ABR: variants seen among roughly 807,000 people sequenced by gnomAD.
ABR encodes the protein ABR activator of RhoGEF and GTPase.
In ABR, 35 loss-of-function variants were observed where a neutral mutation model predicts 107.2. The observed-to-expected ratio is 0.33, with a 90% CI of 0.25 to 0.43. ABR has a LOEUF of 0.43. ABR is among the 20% of genes least tolerant of loss of function. The probability of loss-of-function intolerance (pLI) is 1.00; values close to 1 mark genes in which losing one functional copy is unlikely to be tolerated. For missense variants in ABR, 815 were observed against 1,115.2 expected, an observed-to-expected ratio of 0.73 and a Z score of 3.83; for synonymous variants, 498 against 462.0, an observed-to-expected ratio of 1.08 and a Z score of -1.00.
At chr17:1,058,489 TG>T (rs1434148288) in intron 11 of ABR, among the ~76,000 whole-genome samples, 1 of 148,508 alleles carries the variant, frequency 6.7e-6, no homozygotes, top group Non-Finnish European at 1.5e-5. Context: ...AGGAGGCAGC[TG>T]GGGGTGGGTG....
chr17:1,178,560 G>T (rs1057222330), intron 1 of ABR, among the ~76,000 whole-genome samples: 3 of 64,220 alleles, frequency 4.7e-5, no homozygotes, highest in Non-Finnish European at 1.1e-4. Context: ...CCGAGACTCC[G>T]TCTCAAAAAA....
intron 16 of ABR, among the ~76,000 whole-genome samples, chr17:1,023,500 G>A (rs2663343): frequency 0.44 from 67,038 of 152,100 alleles, 16,488 homozygotes; most frequent in African/African-American, 0.65. Flanking sequence ...ATGCCAGAGT[G>A]GCAAGGGCAG....
intron 6 of ABR, 66 bp from the exon 7 acceptor site, chr17:1,073,743 A>T (rs2035447688): frequency 7.0e-6 from 10 of 1,428,212 alleles, no homozygotes; most frequent in Admixed American, 4.3e-5. Context: ...CACCCCAGAG[A>T]CCAGCTTCGT....
intron 16 of ABR, among the ~76,000 whole-genome samples, chr17:1,048,308 G>C (rs1443929579): frequency 1.3e-5 from 2 of 152,250 alleles, no homozygotes; most frequent in Non-Finnish European, 2.9e-5. Context: ...GCAGAGGCCA[G>C]GCCCCTCCAC....
At position 1,070,879 on chromosome 17, in the gene ABR, G is replaced by A. The variant is rs900315044; in HGVS notation, c.895-789C>T. Reference sequence around the variant, plus strand: ...TTCAAAGTATACAATTAAGATGACCGAGGCCGGGCGCAGTGGTTCACACCT... The same window carrying A: ...TTCAAAGTATACAATTAAGATGACCAAGGCCGGGCGCAGTGGTTCACACCT... On this transcript the variant is annotated intron_variant, in intron 8 of 22. Transcript: ENST00000302538. This position sits in a 1 kb window ranked among gnomAD's most constrained non-coding sequence, Gnocchi z 4.2. Among the ~76,000 whole-genome samples the A allele has an allele frequency of 1.3e-5, 2 of 152,150 alleles. No individual in the cohort carries two copies. The highest frequency in any genetic ancestry group is 6.5e-5 in the Admixed American group (1 of 15,274).
intron 1 of ABR, among the ~76,000 whole-genome samples, chr17:1,164,972 T>C (rs1446460633): frequency 1.3e-5 from 2 of 152,210 alleles, no homozygotes; most frequent in Non-Finnish European, 2.9e-5. Context: ...TTATTCATTG[T>C]TCATCTAAAA....
chr17:1,063,543 A>G, intron 10 of ABR, among the ~76,000 whole-genome samples: 1 of 135,918 alleles, frequency 7.4e-6, no homozygotes, highest in African/African-American at 2.8e-5. Flanking sequence ...AGGGCTATGC[A>G]TGTTCCTCTA....
chr17:1,212,899 A>AG (rs2042931167), intron 1 of ABR, among the ~76,000 whole-genome samples: 1 of 151,010 alleles, frequency 6.6e-6, no homozygotes, highest in Non-Finnish European at 1.5e-5. Context: ...AAAAAAAAAA[A>AG]GAGAGAGAGA....
rs1326959526 is a variant in ABR at position 1,004,073 on chromosome 17, C to G, written c.*2007G>C. On this transcript the variant is annotated 3_prime_UTR_variant, in exon 23 of 23. Transcript: ENST00000302538. Reference sequence around the variant, plus strand: ...GCTGTGGGGCTCCCTGAGGCTGAGACGCGAAGGTGCCCAGTCTGGGCCGTG... The same window carrying G: ...GCTGTGGGGCTCCCTGAGGCTGAGAGGCGAAGGTGCCCAGTCTGGGCCGTG... The G allele has an allele frequency of 6.6e-6, 1 of 152,258 alleles. No homozygotes were observed. The highest frequency in any genetic ancestry group is 1.5e-5 in the Non-Finnish European group (1 of 68,080). 9.4% of individuals were successfully genotyped at this position (152,258 alleles called of 1,614,324 possible).
chr17:1,196,158 G>A (rs1444640682), intron 1 of ABR, among the ~76,000 whole-genome samples: 3 of 147,398 alleles, frequency 2.0e-5, no homozygotes, highest in South Asian at 2.1e-4. Flanking sequence ...GGCAAGGTGC[G>A]GTGGCTCACG....
intron 18 of ABR, 160 bp downstream of exon 18, chr17:1,012,528 C>G (rs969746627): frequency 7.1e-6 from 5 of 704,384 alleles, no homozygotes; most frequent in Non-Finnish European, 1.3e-5. Flanking sequence ...GTGAGCGCCT[C>G]TGCGGCCACT....
At chr17:1,056,179 C>T (rs1334958750) in intron 13 of ABR, 70 bp from the exon 14 acceptor site, 17 of 1,357,984 alleles carry the variant, frequency 1.3e-5, no homozygotes, top group African/African-American at 7.2e-5. Context: ...CCCAGGCCGG[C>T]GGGAGGCAGA....
intron 3 of ABR, 112 bp downstream of exon 3, chr17:1,100,525 A>T: frequency 1.0e-6 from 1 of 971,336 alleles, no homozygotes; most frequent in Non-Finnish European, 1.6e-6. Flanking sequence ...GTCCACAGGG[A>T]GGGACGGGTA....
rs1055708021 is a variant in ABR, at chr17:1,148,716, C to T, written c.62-23349G>A. ...CGGTCCGTGGAAAAAGTGTCTTCCA[C>T]GAAGCCGGTCCCTGGTGCGCTGGTT... On this transcript the variant is annotated intron_variant, in intron 1 of 22. Coordinates refer to ENST00000302538, the MANE Select transcript of ABR (RefSeq NM_021962.5). This position sits in a 1 kb window ranked among gnomAD's most constrained non-coding sequence, Gnocchi z 4.9. 1.3e-5 allele frequency among the ~76,000 whole-genome samples: 2 copies of T among 152,186 alleles called. No individual in the cohort carries two copies. The highest frequency in any genetic ancestry group is 2.4e-5 in the African/African-American group (1 of 41,446).
In ABR at chr17:1,071,256, C is replaced by G. The variant is rs921620784; in HGVS notation, c.895-1166G>C. Among the ~76,000 whole-genome samples, 2 of 152,188 alleles carry G rather than the reference C, an allele frequency of 1.3e-5. No homozygotes were observed. The highest frequency in any genetic ancestry group is 2.4e-5 in the African/African-American group (1 of 41,446). ...TAAAACAGACGACGGGATCCCCAGA[C>G]GCTGCACATCAGCACCAGGAGCCGC... On this transcript the variant is annotated intron_variant, in intron 8 of 22. Coordinates refer to ENST00000302538, the MANE Select transcript of ABR (RefSeq NM_021962.5). This position sits in a 1 kb window ranked among gnomAD's most constrained non-coding sequence, Gnocchi z 5.1.
chr17:1,020,403 G>T (rs769189592), intron 16 of ABR, among the ~76,000 whole-genome samples: 5 of 152,328 alleles, frequency 3.3e-5, no homozygotes, highest in Non-Finnish European at 7.4e-5. Flanking sequence ...TCTTTGTCTG[G>T]GCACTTCGCC....
chr17:1,172,690 A>C (rs1356465296), intron 1 of ABR, among the ~76,000 whole-genome samples: 1 of 151,852 alleles, frequency 6.6e-6, no homozygotes, highest in Admixed American at 6.6e-5. Flanking sequence ...TGGAGGTTGC[A>C]GTGGAGCCGA....
intron 1 of ABR, among the ~76,000 whole-genome samples, chr17:1,166,265 C>T (rs1052871501): frequency 6.6e-6 from 1 of 152,074 alleles, no homozygotes; most frequent in South Asian, 2.1e-4. Flanking sequence ...GGGACGGGGG[C>T]AGGCTGCGGC....
intron 1 of ABR, among the ~76,000 whole-genome samples, chr17:1,137,921 G>A (rs1482080793): frequency 6.7e-6 from 1 of 148,512 alleles, no homozygotes; most frequent in South Asian, 2.1e-4. Flanking sequence ...TTTTTTTTGA[G>A]ACGGGGTCTC....
Sources: gnomAD v4.1 joint callset for allele counts (sites outside exome capture counted in the v4.1 genomes callset) on GRCh38, gnomAD v4.1.1 for gene constraint, Gnocchi (gnomAD v3.1) non-coding constraint, MANE v1.5 for transcripts, NCBI Gene and HGNC (gene_info 2026-07-23, HGNC 2026-07-21) for gene names.